WWP1: variants seen among roughly 807,000 people sequenced by gnomAD.
WWP1 encodes the protein WW domain containing E3 ubiquitin protein ligase 1.
A neutral mutation model predicts 130.6 loss-of-function variants in WWP1; 49 were observed. The observed-to-expected ratio is 0.38, with a 90% CI of 0.30 to 0.48. The LOEUF (loss-of-function observed/expected upper bound fraction) is 0.48, where lower values mean the gene tolerates loss of function less well. Ranked by LOEUF, WWP1 falls within the 20% of genes least tolerant of loss-of-function variation. The pLI is 0.99. For synonymous variants in WWP1, 332 were observed against 367.8 expected, an observed-to-expected ratio of 0.90 and a Z score of 1.11; for missense variants, 809 against 1,100.6, an observed-to-expected ratio of 0.74 and a Z score of 3.75.
chr8:86,381,015 A>ATTT, intron 4 of WWP1, 151 bp downstream of exon 4: 1 of 953,902 alleles, frequency 1.0e-6, no homozygotes, highest in Non-Finnish European at 1.4e-6. Flanking sequence ...TTTTGGTTAA[A>ATTT]TTTTTTTTTT....
chr8:86,442,857 G>T (rs62510799), intron 18 of WWP1, 79 bp downstream of exon 18: 8 of 1,250,296 alleles, frequency 6.4e-6, no homozygotes, highest in Non-Finnish European at 8.7e-6. Context: ...AAAAAAAAAG[G>T]ATAAGCATTA....
At chr8:86,437,990 C>T (rs530326385) in intron 16 of WWP1, among the ~76,000 whole-genome samples, 3 of 152,104 alleles carry the variant, frequency 2.0e-5, no homozygotes, top group South Asian at 2.1e-4. Context: ...TTAGTAGAGA[C>T]GGGGTTTCAC....
intron 20 of WWP1, among the ~76,000 whole-genome samples, chr8:86,450,568 A>G (rs1411658311): frequency 2.0e-5 from 3 of 152,368 alleles, no homozygotes; most frequent in Non-Finnish European, 4.4e-5. Flanking sequence ...TAAGATGTAT[A>G]TTCACTTTCT....
At chr8:86,390,942 C>G (rs1042647110) in intron 5 of WWP1, among the ~76,000 whole-genome samples, 2 of 151,944 alleles carry the variant, frequency 1.3e-5, no homozygotes, top group African/African-American at 4.8e-5. Context: ...TTTCATCTAT[C>G]TTTTCTGATA....
At chr8:86,373,987 A>ACAG in intron 2 of WWP1, 43 bp from the exon 3 acceptor site, 1 of 1,426,508 alleles carries the variant, frequency 7.0e-7, no homozygotes. Flanking sequence ...AAAATTACAA[A>ACAG]CTCTTATCTA....
intron 2 of WWP1, among the ~76,000 whole-genome samples, chr8:86,371,440 C>A (rs1388866416): frequency 6.6e-6 from 1 of 152,204 alleles, no homozygotes; most frequent in Non-Finnish European, 1.5e-5. Flanking sequence ...ATTTTGCCAT[C>A]TGAAAACGCC....
At chr8:86,466,378 G>A (rs762229826) in intron 24 of WWP1, among the ~76,000 whole-genome samples, 1 of 151,898 alleles carries the variant, frequency 6.6e-6, no homozygotes, top group Non-Finnish European at 1.5e-5. Context: ...AGGGATTTTA[G>A]TTTTCTTCAC....
intron 9 of WWP1, among the ~76,000 whole-genome samples, chr8:86,422,828 A>G (rs899764530): frequency 3.3e-5 from 5 of 152,226 alleles, no homozygotes; most frequent in African/African-American, 4.8e-5. Flanking sequence ...CGTCATTTCC[A>G]TAAATTCAGA....
chr8:86,462,131 A>G (rs1186933181), intron 24 of WWP1, among the ~76,000 whole-genome samples: 1 of 152,168 alleles, frequency 6.6e-6, no homozygotes. Flanking sequence ...TTTGTGCCCC[A>G]TGGTGGGGCA....
intron 3 of WWP1, among the ~76,000 whole-genome samples, chr8:86,378,573 A>G (rs1824803071): frequency 6.6e-6 from 1 of 152,180 alleles, no homozygotes; most frequent in Non-Finnish European, 1.5e-5. Flanking sequence ...ATGAGAAAAA[A>G]AATCTATATA....
chr8:86,424,603 G>T (rs1809485852), intron 9 of WWP1, among the ~76,000 whole-genome samples: 1 of 151,908 alleles, frequency 6.6e-6, no homozygotes, highest in Non-Finnish European at 1.5e-5. Context: ...AGGAGCTGGA[G>T]ACCAGCCCGG....
chr8:86,415,026 T>G (rs1442436963), intron 9 of WWP1, among the ~76,000 whole-genome samples: 1 of 152,020 alleles, frequency 6.6e-6, no homozygotes, highest in Non-Finnish European at 1.5e-5. Context: ...ATCCAGTTGA[T>G]ATATGTACCT....
At chr8:86,392,212 T>C (rs1180496674) in intron 5 of WWP1, among the ~76,000 whole-genome samples, 2 of 152,142 alleles carry the variant, frequency 1.3e-5, no homozygotes, top group Non-Finnish European at 2.9e-5. Flanking sequence ...TAGGCCAAGA[T>C]TGAGGCCTAG....
chr8:86,426,543 G>A (rs1317489726), intron 10 of WWP1, among the ~76,000 whole-genome samples: 1 of 152,122 alleles, frequency 6.6e-6, no homozygotes, highest in Non-Finnish European at 1.5e-5. Flanking sequence ...GTGAGGCAAA[G>A]GGGAAACAAA....
At chr8:86,381,837 G>A (rs1215539774) in intron 5 of WWP1, among the ~76,000 whole-genome samples, 1 of 152,158 alleles carries the variant, frequency 6.6e-6, no homozygotes, top group Non-Finnish European at 1.5e-5. Flanking sequence ...GGTAATCTCA[G>A]TCATCCACAA....
chr8:86,421,014 C>T (rs1809171562), intron 9 of WWP1, among the ~76,000 whole-genome samples: 1 of 152,164 alleles, frequency 6.6e-6, no homozygotes, highest in African/African-American at 2.4e-5. Flanking sequence ...GGTAGTTAAG[C>T]TTTCATACAG....
chr8:86,406,141 C>G (rs1808268303), intron 8 of WWP1, among the ~76,000 whole-genome samples: 1 of 152,138 alleles, frequency 6.6e-6, no homozygotes, highest in Non-Finnish European at 1.5e-5. Context: ...AACGTGGTGT[C>G]TCAGCTCAAC....
In WWP1 at chr8:86,431,735, G is replaced by T; in HGVS notation, c.1593G>T (p.Lys531Asn). Residue 531 changes from lysine (K) to asparagine (N), a missense_variant, in exon 14 of 25, where the codon AAG becomes AAT. This residue lies in a region of WWP1 where 450 missense variants were observed against 674.2 expected (regional missense o/e 0.67). Coordinates refer to ENST00000517970, the MANE Select transcript of WWP1 (RefSeq NM_007013.4). ...CATTCAAAGATCCTCGCAATGGGAAGTCATCTGTGTGAGTGAAAACCTGAA... is the reference window on the plus strand; with the variant it reads ...CATTCAAAGATCCTCGCAATGGGAATTCATCTGTGTGAGTGAAAACCTGAA... Reference protein sequence around the residue: ...TTTFKDPRNGKSSVTKGGPQI... With the variant: ...TTTFKDPRNGNSSVTKGGPQI... The T allele has an allele frequency of 6.2e-7, 1 of 1,613,882 alleles. No homozygotes were observed. Among genetic ancestry groups the T allele is most frequent in the Non-Finnish European group, 8.5e-7 (1 of 1,179,884 alleles).
chr8:86,362,378 T>G (rs1051591253), intron 1 of WWP1, among the ~76,000 whole-genome samples: 2 of 151,392 alleles, frequency 1.3e-5, no homozygotes, highest in East Asian at 3.9e-4. Flanking sequence ...ATTGAGTGAT[T>G]GAATTGTAGT....
Sources: gnomAD v4.1 joint callset for allele counts (sites outside exome capture counted in the v4.1 genomes callset) on GRCh38, gnomAD v4.1.1 for gene constraint, gnomAD v4.1.1 regional missense constraint, MANE v1.5 for transcripts, NCBI Gene and HGNC (gene_info 2026-07-23, HGNC 2026-07-21) for gene names.